FARS2: variants seen among roughly 807,000 people sequenced by gnomAD.
The protein encoded by FARS2 is phenylalanyl-tRNA synthetase 2, mitochondrial, also known as phenylalanine--tRNA ligase, mitochondrial.
A neutral mutation model predicts 46.4 loss-of-function variants in FARS2; 40 were observed. That is an observed-to-expected ratio of 0.86 (90% CI 0.67 to 1.12). FARS2 has a LOEUF of 1.12. Among genes scored for constraint, FARS2 ranks in the 50% most tolerant of loss-of-function variants. FARS2 has a pLI of 0.00. For synonymous variants in FARS2, 234 were observed against 214.9 expected (o/e 1.09, Z -0.78); for missense variants, 513 against 567.9 (o/e 0.90, Z 0.98).
intron 6 of FARS2, among the ~76,000 whole-genome samples, chr6:5,616,032 A>G (rs1350252020): frequency 6.6e-6 from 1 of 151,192 alleles, no homozygotes. Flanking sequence ...AAAAAAAAAA[A>G]AAACAACGAA....
At chr6:5,601,795 AC>A (rs1295447111) in intron 5 of FARS2, among the ~76,000 whole-genome samples, 3 of 152,074 alleles carry the variant, frequency 2.0e-5, no homozygotes, top group African/African-American at 2.4e-5. Flanking sequence ...GGCACACAGC[AC>A]CCCACAAACG....
intron 2 of FARS2, among the ~76,000 whole-genome samples, chr6:5,391,695 C>G (rs527873268): frequency 1.3e-5 from 2 of 152,192 alleles, no homozygotes; most frequent in East Asian, 3.9e-4. Context: ...TAGGATTTTG[C>G]AAAGAAGCAA....
chr6:5,356,500 T>C (rs1477566434), intron 1 of FARS2, among the ~76,000 whole-genome samples: 1 of 151,996 alleles, frequency 6.6e-6, no homozygotes, highest in Non-Finnish European at 1.5e-5. Flanking sequence ...ATTAGACAGA[T>C]AGACCTGACC....
chr6:5,711,693 A>G (rs1166976140), intron 6 of FARS2, among the ~76,000 whole-genome samples: 1 of 152,226 alleles, frequency 6.6e-6, no homozygotes, highest in Non-Finnish European at 1.5e-5. Flanking sequence ...TTCCTGACCA[A>G]TGCTCCTCAA....
At chr6:5,341,257 T>C (rs111299789) in intron 1 of FARS2, among the ~76,000 whole-genome samples, 1,480 of 56,380 alleles carry the variant, frequency 0.026, 34 homozygotes, top group African/African-American at 0.03. Context: ...TTTTTTTTTT[T>C]CCCTGTGAGA....
At chr6:5,743,943 A>G (rs1761495376) in intron 6 of FARS2, among the ~76,000 whole-genome samples, 1 of 152,250 alleles carries the variant, frequency 6.6e-6, no homozygotes, top group Non-Finnish European at 1.5e-5. Context: ...GTTTCTCCTC[A>G]ACGTCCTTCC....
chr6:5,657,902 G>T (rs1475276908), intron 6 of FARS2, among the ~76,000 whole-genome samples: 1 of 152,160 alleles, frequency 6.6e-6, no homozygotes, highest in Non-Finnish European at 1.5e-5. Flanking sequence ...TGGTTAGAAG[G>T]TTACTCAACT....
chr6:5,593,597 C>G (rs996573564), intron 5 of FARS2, among the ~76,000 whole-genome samples: 10 of 152,232 alleles, frequency 6.6e-5, no homozygotes, highest in Non-Finnish European at 1.0e-4. Context: ...GTTCTTCACA[C>G]TTTCCGTGGG....
chr6:5,420,526 G>T (rs956478651), intron 3 of FARS2, among the ~76,000 whole-genome samples: 12 of 152,122 alleles, frequency 7.9e-5, no homozygotes, highest in African/African-American at 2.7e-4. Flanking sequence ...GGAGAAATTG[G>T]CCAAAACAAA....
chr6:5,641,706 G>T (rs1231253553), intron 6 of FARS2, among the ~76,000 whole-genome samples: 1 of 152,198 alleles, frequency 6.6e-6, no homozygotes, highest in East Asian at 1.9e-4. Context: ...TATAGAAGAT[G>T]TTTGCATACC....
intron 6 of FARS2, among the ~76,000 whole-genome samples, chr6:5,657,199 T>A (rs1777643865): frequency 1.3e-5 from 2 of 152,236 alleles, no homozygotes; most frequent in Non-Finnish European, 1.5e-5. Context: ...TTAGAAAAAA[T>A]AATAATAGAA....
At chr6:5,562,277 G>C (rs946928327) in intron 5 of FARS2, among the ~76,000 whole-genome samples, 1 of 151,366 alleles carries the variant, frequency 6.6e-6, no homozygotes, top group African/African-American at 2.5e-5. Flanking sequence ...GCATCCTCTT[G>C]TCCCTAGGGT....
rs545133614 is a variant in FARS2, at chr6:5,376,192, G to A, written c.612+7010G>A. Among the ~76,000 whole-genome samples the A allele has an allele frequency of 8.9e-4, 136 of 152,220 alleles. 1 individual carries two copies. Among genetic ancestry groups the A allele is most frequent in the Admixed American group, 1.9e-3 (29 of 15,294 alleles). The stretch of plus-strand genomic sequence containing the variant: ...AAATGCATATAGGTGGTGAGCACAC[G>A]TGTGTGCTTTTACTATTCTTTAAAC... On this transcript the variant is annotated intron_variant, in intron 2 of 6. Coordinates refer to ENST00000274680, the MANE Select transcript of FARS2 (RefSeq NM_006567.5).
chr6:5,307,728 C>T (rs1426354481), intron 1 of FARS2, among the ~76,000 whole-genome samples: 3 of 151,836 alleles, frequency 2.0e-5, no homozygotes, highest in Non-Finnish European at 4.4e-5. Context: ...ACTTGATTTC[C>T]TGTTTTATGA....
intron 6 of FARS2, among the ~76,000 whole-genome samples, chr6:5,637,764 G>T (rs574092206): frequency 6.6e-6 from 1 of 152,292 alleles, no homozygotes; most frequent in South Asian, 2.1e-4. Context: ...TCTCTTGTTG[G>T]CTGGTAGATG....
At chr6:5,384,443 G>T (rs1036902789) in intron 2 of FARS2, among the ~76,000 whole-genome samples, 4 of 152,308 alleles carry the variant, frequency 2.6e-5, no homozygotes, top group African/African-American at 9.6e-5. Flanking sequence ...GGGCAGCCTC[G>T]CCTTCTGCCG....
At chr6:5,680,486 G>A (rs1778978511) in intron 6 of FARS2, among the ~76,000 whole-genome samples, 1 of 152,180 alleles carries the variant, frequency 6.6e-6, no homozygotes, top group Non-Finnish European at 1.5e-5. Context: ...TGATCAACTA[G>A]AAATAAAAGG....
rs551464092 is a variant in FARS2, at chr6:5,463,566, A to G, written c.904+32394A>G. Reference sequence around the variant, plus strand: ...AGCATTGTTATGTTATTATACCTGTATTGAAACTATCATAGGAAAAATTTT... The same window carrying G: ...AGCATTGTTATGTTATTATACCTGTGTTGAAACTATCATAGGAAAAATTTT... On this transcript the variant is annotated intron_variant, in intron 4 of 6. Coordinates refer to ENST00000274680, the MANE Select transcript of FARS2 (RefSeq NM_006567.5). Among the ~76,000 whole-genome samples the G allele has an allele frequency of 3.9e-5, 6 of 152,364 alleles. No homozygotes were observed. The East Asian group carries it at 1.2e-3, about 29-fold the overall frequency.
chr6:5,278,476 A>G (rs913085551), intron 1 of FARS2, among the ~76,000 whole-genome samples: 1 of 152,216 alleles, frequency 6.6e-6, no homozygotes, highest in African/African-American at 2.4e-5. Flanking sequence ...GGATTTTTAC[A>G]CAAAGTTTTT....
Sources: allele counts gnomAD v4.1 joint callset (sites outside exome capture counted in the v4.1 genomes callset), GRCh38; gene constraint gnomAD v4.1.1; transcripts MANE v1.5; gene names NCBI Gene and HGNC (gene_info 2026-07-23, HGNC 2026-07-21).